The following CASP5 variants were observed in gnomAD, a reference collection of about 807,000 sequenced individuals.
CASP5 encodes caspase-5.
Under a neutral mutation model 45.2 loss-of-function variants are expected in CASP5, and 42 were observed. The observed-to-expected ratio is 0.93, with a 90% CI of 0.73 to 1.20. The LOEUF is 1.20. CASP5 is among the 50% of genes most tolerant of loss of function. CASP5 has a pLI of 0.00. For synonymous variants in CASP5, 209 were observed against 186.2 expected (o/e 1.12, Z -1.00); for missense variants, 512 against 532.2 (o/e 0.96, Z 0.37).
intron 1 of CASP5, among the ~76,000 whole-genome samples, chr11:105,010,171 A>T (rs983386189): frequency 2.6e-5 from 4 of 150,984 alleles, no homozygotes; most frequent in African/African-American, 9.7e-5. Context: ...CTCATTTTCC[A>T]GGTTATCTTG....
At chr11:105,021,000 T>C (rs7114768) in intron 1 of CASP5, among the ~76,000 whole-genome samples, 31,568 of 151,124 alleles carry the variant, frequency 0.21, 3,701 homozygotes, top group African/African-American at 0.29. Flanking sequence ...TCAGAAATAA[T>C]GCCGCATATC....
intron 1 of CASP5, among the ~76,000 whole-genome samples, chr11:105,013,169 C>A (rs577906668): frequency 6.6e-6 from 1 of 152,014 alleles, no homozygotes; most frequent in African/African-American, 2.4e-5. Context: ...CCAAGCTGGG[C>A]ACCAAAAAAC....
chr11:105,008,993 T>A lies in CASP5; in HGVS notation c.8-13A>T, dbSNP rs748551739. ...TTGCCACTGTCTTCTATCAGAAATA[T>A]AAAGACTCCTTCAACTCTGGGCACA... On this transcript the variant is annotated splice_polypyrimidine_tract_variant and intron_variant, in intron 1 of 9. Coordinates refer to ENST00000260315, the MANE Select transcript of CASP5 (RefSeq NM_004347.5). The A allele has an allele frequency of 1.2e-6, 2 of 1,611,234 alleles. No individual in the cohort carries two copies. Among genetic ancestry groups the A allele is most frequent in the Non-Finnish European group, 1.7e-6 (2 of 1,178,704 alleles).
intron 1 of CASP5, among the ~76,000 whole-genome samples, chr11:105,019,086 A>G (rs1862797376): frequency 6.7e-6 from 1 of 149,236 alleles, no homozygotes; most frequent in Non-Finnish European, 1.5e-5. Context: ...AGGCAGAAAT[A>G]AAGATGTTCT....
At chr11:105,000,581 CAT>C in intron 5 of CASP5, 86 bp from the exon 6 acceptor site, 6 of 1,197,722 alleles carry the variant, frequency 5.0e-6, no homozygotes, top group Non-Finnish European at 7.3e-6. Context: ...AAACAAGAAA[CAT>C]ATGTAACATC....
Position 105,008,931 on chromosome 11 carries a change from T to A in CASP5, c.57A>T (p.Lys19Asn), listed in dbSNP as rs45483102. Reference sequence around the variant, plus strand: ...TATCCAATCCACTCTGAAGGATACCTTTGAACATAGCTTCAAAATTCTTAC... The same window carrying A: ...TATCCAATCCACTCTGAAGGATACCATTGAACATAGCTTCAAAATTCTTAC... ...KRRKNFEAMF[K>N]GILQSGLDNF... The change falls in exon 2 of 10, where the codon AAA becomes AAT. Residue 19 changes from lysine (K) to asparagine (N), a missense_variant. By Grantham distance (94) the Lys-to-Asn change is moderately conservative. Coordinates refer to ENST00000260315, the MANE Select transcript of CASP5 (RefSeq NM_004347.5). 0.037 allele frequency: 59,521 copies of A among 1,612,632 alleles called. 1,365 individuals carry two copies. The highest frequency in any genetic ancestry group is 0.043 in the Non-Finnish European group (51,279 of 1,179,092).
rs754974875 is a variant in CASP5, at chr11:105,002,049, G to A, written c.696C>T (p.Asp232=). The change falls in exon 5 of 10, where the codon GAC becomes GAT. Residue 232 remains aspartate, a synonymous_variant. Coordinates refer to ENST00000260315, the MANE Select transcript of CASP5 (RefSeq NM_004347.5). ...TTACCCTGGCTGTGAGATTCTTTTC[G>A]TCAACCACAGTGTAGCCCAGGCCTT... ...LLQGLGYTVV[D]EKNLTARDME... 13 of 1,613,964 alleles carry A rather than the reference G, an allele frequency of 8.1e-6. No homozygotes were observed. The highest frequency in any genetic ancestry group is 1.3e-5 in the African/African-American group (1 of 75,000).
At chr11:105,020,851 G>A (rs960365365) in intron 1 of CASP5, among the ~76,000 whole-genome samples, 7 of 151,920 alleles carry the variant, frequency 4.6e-5, no homozygotes, top group African/African-American at 1.5e-4. Context: ...GCATTGCCAC[G>A]TCAATCCTGA....
At chr11:104,995,659 T>A in intron 9 of CASP5, 81 bp downstream of exon 9, 1 of 832,390 alleles carries the variant, frequency 1.2e-6, no homozygotes, top group African/African-American at 1.7e-5. Context: ...ATATAAGCAG[T>A]CAGCTGTCAT....
intron 1 of CASP5, among the ~76,000 whole-genome samples, chr11:105,022,559 T>G (rs1429356389): frequency 2.6e-5 from 4 of 152,076 alleles, no homozygotes; most frequent in Middle Eastern, 3.2e-3. Flanking sequence ...ACTGAAGGGT[T>G]AAGTTTTTGG....
chr11:105,010,395 T>TAATA (rs142421890), intron 1 of CASP5, among the ~76,000 whole-genome samples: 8,160 of 128,818 alleles, frequency 0.063, 698 homozygotes, highest in African/African-American at 0.2. Flanking sequence ...TATAATGATT[T>TAATA]AATCAGTAAT....
rs567624948 is a variant in CASP5, at chr11:105,001,823, G to A, written c.717+205C>T. 2.6e-5 allele frequency among the ~76,000 whole-genome samples: 4 copies of A among 152,266 alleles called. No homozygotes were observed. The East Asian group carries it at 7.7e-4, about 29-fold the overall frequency. ...ATATTTTGTCTAGTTTTATGGAGTT[G>A]AGGGTATTTGAGGCTCAAAAGAGAC... On this transcript the variant is annotated intron_variant, in intron 5 of 9. Transcript: ENST00000260315.
chr11:105,001,610 T>C (rs1157060585), intron 5 of CASP5, among the ~76,000 whole-genome samples: 1 of 152,066 alleles, frequency 6.6e-6, no homozygotes, highest in Non-Finnish European at 1.5e-5. Context: ...TGAGCCAAGA[T>C]CACGCCACTA....
chr11:105,017,647 G>A (rs1371832823), intron 1 of CASP5, among the ~76,000 whole-genome samples: 5 of 152,048 alleles, frequency 3.3e-5, no homozygotes, highest in Non-Finnish European at 4.4e-5. Context: ...CAAGAAATAT[G>A]GGACTATGTG....
chr11:104,997,380 T>C lies in CASP5; in HGVS notation c.1206+3A>G, dbSNP rs1591150680. ...ATGACTAGAAAAGGAAATGGAAGCT[T>C]ACCTTCCGAAATATTTCCATTAGGT... On this transcript the variant is annotated splice_donor_region_variant and intron_variant, in intron 8 of 9. Coordinates refer to ENST00000260315, the MANE Select transcript of CASP5 (RefSeq NM_004347.5). 1 of 1,571,042 alleles carries C rather than the reference T, an allele frequency of 6.4e-7. No individual in the cohort carries two copies. Among genetic ancestry groups the C allele is most frequent in the East Asian group, 2.2e-5 (1 of 44,616 alleles).
intron 2 of CASP5, among the ~76,000 whole-genome samples, chr11:105,008,545 A>G (rs1407348304): frequency 6.6e-6 from 1 of 152,050 alleles, no homozygotes; most frequent in Non-Finnish European, 1.5e-5. Context: ...TTAGGTTTGA[A>G]TATGTCTTAC....
In CASP5 at chr11:105,002,072, C is replaced by T; in HGVS notation, c.673G>A (p.Gly225Ser). 9 of 1,614,160 alleles carry T rather than the reference C, an allele frequency of 5.6e-6. No individual in the cohort carries two copies. The highest frequency in any genetic ancestry group is 7.6e-6 in the Non-Finnish European group (9 of 1,180,024). Residue 225 changes from glycine to serine, a missense_variant, in exon 5 of 10, where the codon GGC becomes AGC. By Grantham distance (56) the Gly-to-Ser change is moderately conservative. Transcript: ENST00000260315. ...TCGTCAACCACAGTGTAGCCCAGGC[C>T]TTGAAGCAGCCTTTTCATCCCCACG... Reference protein sequence around the residue: ...DIVGMKRLLQGLGYTVVDEKN... With the variant: ...DIVGMKRLLQSLGYTVVDEKN...
At chr11:105,019,328 A>C (rs1297904698) in intron 1 of CASP5, among the ~76,000 whole-genome samples, 4 of 150,426 alleles carry the variant, frequency 2.7e-5, no homozygotes, top group Non-Finnish European at 5.9e-5. Context: ...AAGGAAATAG[A>C]GACACAAAAA....
intron 1 of CASP5, among the ~76,000 whole-genome samples, chr11:105,014,548 T>C (rs1002233096): frequency 2.0e-5 from 3 of 152,202 alleles, no homozygotes; most frequent in Non-Finnish European, 4.4e-5. Context: ...GTTGAGTGAA[T>C]GTAGAAACAA....
Sources: gnomAD v4.1 joint callset for allele counts (sites outside exome capture counted in the v4.1 genomes callset) on GRCh38, gnomAD v4.1.1 for gene constraint, MANE v1.5 for transcripts, NCBI Gene and HGNC (gene_info 2026-07-23, HGNC 2026-07-21) for gene names.